The following ABHD5 variants were observed in gnomAD, a reference collection of about 807,000 sequenced individuals.
The protein encoded by ABHD5 is abhydrolase domain containing 5, lysophosphatidic acid acyltransferase, also known as 1-acylglycerol-3-phosphate O-acyltransferase ABHD5.
In ABHD5, 30 loss-of-function variants were observed where a neutral mutation model predicts 44.9. That is an observed-to-expected ratio of 0.67 (90% CI 0.50 to 0.91). ABHD5 has a LOEUF of 0.91. ABHD5 is among the 40% of genes least tolerant of loss of function. ABHD5 has a pLI of 0.00. For missense variants in ABHD5, 399 were observed against 423.4 expected (o/e 0.94, Z 0.50); for synonymous variants, 167 against 147.0 (o/e 1.14, Z -0.99).
intron 7 of ABHD5, among the ~76,000 whole-genome samples, chr3:43,728,043 G>C (rs2084889608): frequency 6.6e-6 from 1 of 152,064 alleles, no homozygotes; most frequent in African/African-American, 2.4e-5. Context: ...TTCTCTCTTT[G>C]ACTTTCGCTG....
chr3:43,730,282 T>G (rs2084904229), intron 7 of ABHD5, among the ~76,000 whole-genome samples: 1 of 152,118 alleles, frequency 6.6e-6, no homozygotes, highest in South Asian at 2.1e-4. Flanking sequence ...ACACCAGCCT[T>G]CTCCTGAGGA....
At chr3:43,697,285 C>T (rs1405983942) in intron 1 of ABHD5, among the ~76,000 whole-genome samples, 1 of 151,882 alleles carries the variant, frequency 6.6e-6, no homozygotes, top group Non-Finnish European at 1.5e-5. Flanking sequence ...TTTCTTTGCC[C>T]CAGTTTGTCT....
In ABHD5 at chr3:43,699,370, T is replaced by G. The variant is rs753442599; in HGVS notation, c.133+9T>G. 1.2e-6 allele frequency: 2 copies of G among 1,606,184 alleles called. No homozygotes were observed. The highest frequency in any genetic ancestry group is 1.7e-6 in the Non-Finnish European group (2 of 1,172,882). The stretch of plus-strand genomic sequence containing the variant: ...AGAGAAGATGTTAAAATGTAAGGCT[T>G]TCTTCTTGTAAGTTAAATGAGCTGT... On this transcript the variant is annotated intron_variant, in intron 2 of 6. Transcript: ENST00000644371.
chr3:43,693,820 T>G (rs1464216465), intron 1 of ABHD5, among the ~76,000 whole-genome samples: 1 of 152,056 alleles, frequency 6.6e-6, no homozygotes, highest in Non-Finnish European at 1.5e-5. Flanking sequence ...TGTTTTTATT[T>G]TTCATCTTGT....
At chr3:43,712,246 C>T (rs937804531) in intron 4 of ABHD5, among the ~76,000 whole-genome samples, 2 of 152,070 alleles carry the variant, frequency 1.3e-5, no homozygotes, top group African/African-American at 2.4e-5. Flanking sequence ...CACTGGAGAG[C>T]GTTTGGCCAA....
chr3:43,699,328 CACCTTA>C lies in ABHD5; in HGVS notation c.102_107del (p.His34_Lys36delinsGln). 1 of 1,614,020 alleles carries C rather than the reference CACCTTA, an allele frequency of 6.2e-7. No individual in the cohort carries two copies. Among genetic ancestry groups the C allele is most frequent in the South Asian group, 1.1e-5 (1 of 91,076 alleles). Reference sequence around the variant, plus strand: ...CACATGGTGCCCTACGTCTATATCACACCTTAAAGAAGCTGAAGAGAAGATGTTAAA... The same window carrying C: ...CACATGGTGCCCTACGTCTATATCACAAGAAGCTGAAGAGAAGATGTTAAA... On this transcript the variant is annotated inframe_deletion, in exon 2 of 7. Coordinates refer to ENST00000644371, the MANE Select transcript of ABHD5 (RefSeq NM_016006.6).
intron 1 of ABHD5, among the ~76,000 whole-genome samples, chr3:43,694,622 G>A (rs1198871372): frequency 6.6e-6 from 1 of 152,036 alleles, no homozygotes; most frequent in African/African-American, 2.4e-5. Context: ...TGTGAAGGAA[G>A]GTAGGAAACA....
intron 1 of ABHD5, chr3:43,695,215 A>G (rs1187312016): frequency 1.3e-5 from 2 of 152,190 alleles, no homozygotes; most frequent in East Asian, 3.8e-4. Context: ...TCAATTCCCA[A>G]GAAAGGTCTT....
rs1238514097 is a variant in ABHD5 at position 43,721,255 on chromosome 3, T to G, written c.*2723T>G. 1 of 152,006 alleles carries G rather than the reference T, an allele frequency of 6.6e-6. No homozygotes were observed. The highest frequency in any genetic ancestry group is 2.4e-5 in the African/African-American group (1 of 41,394). The allele number at this position is 152,006 out of a possible 1,614,324, so 9.4% of individuals were successfully genotyped here. ...TAACCATTTGGAAAAAAAAATAAAA[T>G]TGAATCGATTTCTCACAGGATACAC... On this transcript the variant is annotated 3_prime_UTR_variant, in exon 7 of 7. Coordinates refer to ENST00000644371, the MANE Select transcript of ABHD5 (RefSeq NM_016006.6).
chr3:43,726,186 G>A (rs555002282), downstream of ABHD5, among the ~76,000 whole-genome samples: 32 of 152,170 alleles, frequency 2.1e-4, no homozygotes, highest in Admixed American at 9.8e-4. Flanking sequence ...TTTAACCTGC[G>A]AATGTTTTTA....
At chr3:43,694,633 A>G (rs1234827825) in intron 1 of ABHD5, among the ~76,000 whole-genome samples, 1 of 152,090 alleles carries the variant, frequency 6.6e-6, no homozygotes, top group Non-Finnish European at 1.5e-5. Context: ...GTAGGAAACA[A>G]TGGGGAGATA....
intron 7 of ABHD5, among the ~76,000 whole-genome samples, chr3:43,729,516 A>G (rs1455236361): frequency 1.7e-4 from 26 of 152,228 alleles, no homozygotes. Context: ...CTTGCCCAGG[A>G]TCATACAGCT....
At position 43,719,393 on chromosome 3, in the gene ABHD5, T is replaced by G. The variant is rs2084807254; in HGVS notation, c.*861T>G. 1 of 152,206 alleles carries G rather than the reference T, an allele frequency of 6.6e-6. No individual in the cohort carries two copies. The highest frequency in any genetic ancestry group is 1.5e-5 in the Non-Finnish European group (1 of 68,038). 9.4% of individuals were successfully genotyped at this position (152,206 alleles called of 1,614,324 possible). On this transcript the variant is annotated 3_prime_UTR_variant, in exon 7 of 7. Coordinates refer to ENST00000644371, the MANE Select transcript of ABHD5 (RefSeq NM_016006.6). ...CAGATTTCTTCTCTTAAGGGGATAT[T>G]AAGACTGTTACTTCCTAGTAAGCCA... is the stretch of plus-strand genomic sequence containing the variant.
At position 43,711,818 on chromosome 3, in the gene ABHD5, A is replaced by G; in HGVS notation, c.616A>G (p.Thr206Ala). ...GATCAGAGCCTTGGGAGCAGCATTGACTCCCTTTAACCCTTTAGCTGGCCT... is the reference window on the plus strand; with the variant it reads ...GATCAGAGCCTTGGGAGCAGCATTGGCTCCCTTTAACCCTTTAGCTGGCCT... ...VWIRALGAAL[T>A]PFNPLAGLRI... Residue 206 changes from threonine (T) to alanine (A), a missense_variant, in exon 4 of 7, where the codon ACT becomes GCT. Coordinates refer to ENST00000644371, the MANE Select transcript of ABHD5 (RefSeq NM_016006.6). The G allele has an allele frequency of 6.2e-7, 1 of 1,614,042 alleles. No individual in the cohort carries two copies. The highest frequency in any genetic ancestry group is 8.5e-7 in the Non-Finnish European group (1 of 1,180,000).
exon 8 of ABHD5, chr3:43,734,253 G>A (rs1697298875): frequency 6.6e-6 from 1 of 152,224 alleles, no homozygotes; most frequent in Non-Finnish European, 1.5e-5. Flanking sequence ...TGACACGTGG[G>A]TGCAGAAAGC....
At position 43,718,457 on chromosome 3, in the gene ABHD5, A is replaced by G. The variant is rs150779542; in HGVS notation, c.975A>G (p.Ala325=). ...TCCTTATCCAGGCTATTCTTGGGGCAGGACATTATGTATATGCAGATCAAC... is the reference window on the plus strand; with the variant it reads ...TCCTTATCCAGGCTATTCTTGGGGCGGGACATTATGTATATGCAGATCAAC... ...SYVKTIAILG[A]GHYVYADQPE... The change falls in exon 7 of 7, where the codon GCA becomes GCG. Residue 325 remains alanine, a synonymous_variant. Transcript: ENST00000644371. 7.4e-6 allele frequency: 12 copies of G among 1,614,002 alleles called. No homozygotes were observed. Among genetic ancestry groups the G allele is most frequent in the Non-Finnish European group, 1.0e-5 (12 of 1,179,992 alleles).
intron 2 of ABHD5, among the ~76,000 whole-genome samples, chr3:43,700,280 CA>C (rs2149594718): frequency 6.6e-6 from 1 of 152,134 alleles, no homozygotes; most frequent in South Asian, 2.1e-4. Context: ...TTCTTATGAG[CA>C]CTAAAATTTA....
At chr3:43,725,689 T>A (rs1037169931), downstream of ABHD5, among the ~76,000 whole-genome samples, 4 of 152,154 alleles carry the variant, frequency 2.6e-5, no homozygotes, top group African/African-American at 9.7e-5. Context: ...TTAAGCTGGT[T>A]TGCCACATTG....
chr3:43,730,764 C>G (rs909700915), intron 7 of ABHD5, among the ~76,000 whole-genome samples: 3 of 152,122 alleles, frequency 2.0e-5, no homozygotes, highest in Non-Finnish European at 4.4e-5. Context: ...TCTCAGCCTC[C>G]CAAAATGTTG....
Sources: gnomAD v4.1 joint callset for allele counts (sites outside exome capture counted in the v4.1 genomes callset) on GRCh38, gnomAD v4.1.1 for gene constraint, MANE v1.5 for transcripts, NCBI Gene and HGNC (gene_info 2026-07-23, HGNC 2026-07-21) for gene names.